The following STAP1 variants were observed in gnomAD, a reference collection of about 807,000 sequenced individuals.
STAP1 encodes signal transducing adaptor family member 1.
In STAP1, 30 loss-of-function variants were observed where a neutral mutation model predicts 37.8. That is an observed-to-expected ratio of 0.79 (90% confidence interval 0.59 to 1.08). The LOEUF is 1.08. Among genes scored for constraint, STAP1 ranks in the 50% least tolerant of loss-of-function variants. The probability of loss-of-function intolerance (pLI) is 0.00; values close to 1 mark genes in which losing one functional copy is unlikely to be tolerated. For missense variants in STAP1, 357 were observed against 349.4 expected, an observed-to-expected ratio of 1.02 and a Z score of -0.17; for synonymous variants, 130 against 116.0, an observed-to-expected ratio of 1.12 and a Z score of -0.78.
chr4:67,567,423 A>T (rs2109855509), intron 1 of STAP1, among the ~76,000 whole-genome samples: 1 of 152,342 alleles, frequency 6.6e-6, no homozygotes, highest in East Asian at 1.9e-4. Context: ...ACCTTGTCCC[A>T]AATTCCAATG....
At chr4:67,568,746 G>A (rs1397144553) in intron 1 of STAP1, among the ~76,000 whole-genome samples, 1 of 151,926 alleles carries the variant, frequency 6.6e-6, no homozygotes. Context: ...ACTATTTACT[G>A]AACCCCAGCT....
chr4:67,573,906 A>G (rs989402312), intron 2 of STAP1, among the ~76,000 whole-genome samples: 5 of 152,154 alleles, frequency 3.3e-5, no homozygotes, highest in African/African-American at 1.2e-4. Flanking sequence ...AAAAATATAT[A>G]TATCATAAAA....
At chr4:67,593,911 G>T (rs1415173722) in intron 8 of STAP1, among the ~76,000 whole-genome samples, 1 of 152,192 alleles carries the variant, frequency 6.6e-6, no homozygotes, top group Non-Finnish European at 1.5e-5. Context: ...ACCAGCTACA[G>T]AATTTGCCAG....
chr4:67,574,877 C>T (rs1266646126), intron 2 of STAP1, among the ~76,000 whole-genome samples: 1 of 152,214 alleles, frequency 6.6e-6, no homozygotes, highest in East Asian at 1.9e-4. Flanking sequence ...TACCAATTTG[C>T]ATGGTGTAAA....
chr4:67,594,338 G>A (rs1366123043), intron 8 of STAP1, among the ~76,000 whole-genome samples: 6 of 152,160 alleles, frequency 3.9e-5, no homozygotes, highest in Non-Finnish European at 4.4e-5. Flanking sequence ...AATAATAAGA[G>A]TAACCAAAAC....
chr4:67,599,130 G>A (rs1728286033), intron 8 of STAP1, among the ~76,000 whole-genome samples: 1 of 152,094 alleles, frequency 6.6e-6, no homozygotes, highest in Non-Finnish European at 1.5e-5. Context: ...ATTTTGTTGA[G>A]GAGTTTTACA....
chr4:67,582,491 A>G (rs1727886232), intron 5 of STAP1, among the ~76,000 whole-genome samples: 1 of 151,852 alleles, frequency 6.6e-6, no homozygotes, highest in Admixed American at 6.6e-5. Context: ...GTATTTTTGT[A>G]GAGACAGGGT....
chr4:67,606,024 A>C (rs1433339343), intron 8 of STAP1, among the ~76,000 whole-genome samples: 2 of 152,240 alleles, frequency 1.3e-5, no homozygotes, highest in African/African-American at 4.8e-5. Flanking sequence ...CCAACTCCAG[A>C]AATTAGCAGT....
intron 7 of STAP1, 96 bp from the exon 8 acceptor site, chr4:67,593,159 GAAGTA>G: frequency 1.3e-6 from 1 of 766,834 alleles, no homozygotes; most frequent in Non-Finnish European, 2.1e-6. Context: ...CCATTGAAGT[GAAGTA>G]ATGACAGTAA....
chr4:67,575,034 T>C (rs565246875), intron 2 of STAP1, among the ~76,000 whole-genome samples: 2 of 152,292 alleles, frequency 1.3e-5, no homozygotes, highest in South Asian at 4.1e-4. Flanking sequence ...TAGAGAACAG[T>C]AAAATATAGA....
At chr4:67,584,862 C>T (rs892789948) in intron 6 of STAP1, among the ~76,000 whole-genome samples, 8 of 152,122 alleles carry the variant, frequency 5.3e-5, no homozygotes, top group African/African-American at 1.4e-4. Flanking sequence ...CATGAGAGGC[C>T]ACTGAACTGT....
intron 6 of STAP1, among the ~76,000 whole-genome samples, chr4:67,584,651 A>G (rs1323519297): frequency 1.3e-5 from 2 of 152,180 alleles, no homozygotes; most frequent in Non-Finnish European, 2.9e-5. Context: ...TATCTGGGGC[A>G]AAAGTGCTCC....
intron 1 of STAP1, among the ~76,000 whole-genome samples, chr4:67,562,809 T>C (rs1727381016): frequency 6.6e-6 from 1 of 151,774 alleles, no homozygotes; most frequent in Non-Finnish European, 1.5e-5. Context: ...CATTTGGAAA[T>C]TATAAATATA....
At position 67,590,955 on chromosome 4, in the gene STAP1, T is replaced by G. The variant is rs1208917558; in HGVS notation, c.729+2T>G. The G allele has an allele frequency of 1.9e-6, 3 of 1,608,764 alleles. No homozygotes were observed. Among genetic ancestry groups the G allele is most frequent in the African/African-American group, 1.3e-5 (1 of 74,822 alleles). On this transcript the variant is annotated splice_donor_variant, in intron 7 of 8. Transcript: ENST00000265404. LOFTEE classifies it high-confidence loss of function. ...TACACTATTGAACTGGAAAAACCTG[T>G]AAGTAACTATTTTTGTTGTTGTTGA...
intron 7 of STAP1, among the ~76,000 whole-genome samples, chr4:67,592,401 G>C (rs116440086): frequency 6.6e-6 from 1 of 152,102 alleles, no homozygotes; most frequent in East Asian, 1.9e-4. Flanking sequence ...CTCCTAGACC[G>C]GCAAATTATC....
At chr4:67,578,955 A>G (rs539835464) in intron 4 of STAP1, among the ~76,000 whole-genome samples, 1 of 152,088 alleles carries the variant, frequency 6.6e-6, no homozygotes, top group Non-Finnish European at 1.5e-5. Flanking sequence ...TAGCCTCCCA[A>G]GTAGCTGGGA....
chr4:67,589,694 G>T (rs1290067726), intron 6 of STAP1, among the ~76,000 whole-genome samples: 1 of 152,090 alleles, frequency 6.6e-6, no homozygotes, highest in Non-Finnish European at 1.5e-5. Flanking sequence ...ACAAATCAAG[G>T]GAATTCAAGA....
At chr4:67,577,826 T>G (rs1727760749) in intron 4 of STAP1, among the ~76,000 whole-genome samples, 1 of 151,932 alleles carries the variant, frequency 6.6e-6, no homozygotes, top group Non-Finnish European at 1.5e-5. Context: ...TTTCTGTATT[T>G]TTAGTAGAGA....
intron 3 of STAP1, among the ~76,000 whole-genome samples, 164 bp downstream of exon 3, chr4:67,575,662 TA>T (rs1727704015): frequency 6.6e-6 from 1 of 152,186 alleles, no homozygotes; most frequent in African/African-American, 2.4e-5. Context: ...AATTGGAATT[TA>T]AAAAGACGTG....
Sources: gnomAD v4.1 joint callset for allele counts (sites outside exome capture counted in the v4.1 genomes callset) on GRCh38, gnomAD v4.1.1 for gene constraint, MANE v1.5 for transcripts, NCBI Gene and HGNC (gene_info 2026-07-23, HGNC 2026-07-21) for gene names.